HECW2: variants seen among roughly 807,000 people sequenced by gnomAD.
The protein encoded by HECW2 is E3 ubiquitin-protein ligase HECW2.
Under a neutral mutation model 175.2 loss-of-function variants are expected in HECW2, and 61 were observed. That is an observed-to-expected ratio of 0.35 (90% CI 0.28 to 0.43). HECW2 has a LOEUF of 0.43. HECW2 is among the 20% of genes least tolerant of loss of function. HECW2 has a pLI of 1.00. For missense variants in HECW2, 1,524 were observed against 2,000.5 expected, an observed-to-expected ratio of 0.76 and a Z score of 4.54; for synonymous variants, 671 against 731.0, an observed-to-expected ratio of 0.92 and a Z score of 1.32.
At chr2:196,528,646 C>G (rs1371584059) in intron 1 of HECW2, among the ~76,000 whole-genome samples, 2 of 152,214 alleles carry the variant, frequency 1.3e-5, no homozygotes, top group Non-Finnish European at 2.9e-5. Context: ...TGTACACATC[C>G]AAGGCACTGT....
At chr2:196,460,891 C>T (rs1696718325) in intron 1 of HECW2, among the ~76,000 whole-genome samples, 2 of 146,888 alleles carry the variant, frequency 1.4e-5, no homozygotes, top group Admixed American at 1.4e-4. Flanking sequence ...TCCCAAAGTA[C>T]TAGGATTACA....
At chr2:196,344,688 A>G (rs1166784311) in intron 2 of HECW2, among the ~76,000 whole-genome samples, 3 of 152,238 alleles carry the variant, frequency 2.0e-5, no homozygotes, top group Non-Finnish European at 4.4e-5. Flanking sequence ...TTATAGGCAC[A>G]TTAAAAAGTA....
intron 6 of HECW2, among the ~76,000 whole-genome samples, chr2:196,323,843 A>G (rs1692038323): frequency 6.9e-6 from 1 of 145,886 alleles, no homozygotes. Flanking sequence ...ATTGAGATAT[A>G]TTTTTATTTC....
rs757714649 is a variant in HECW2 at position 196,319,435 on chromosome 2, C to T, written c.1455G>A (p.Glu485=). 1 of 1,613,826 alleles carries T rather than the reference C, an allele frequency of 6.2e-7. No homozygotes were observed. Among genetic ancestry groups the T allele is most frequent in the South Asian group, 1.1e-5 (1 of 90,992 alleles). The change falls in exon 9 of 29, where the codon GAG becomes GAA. Residue 485 remains glutamate (E), a synonymous_variant. Coordinates refer to ENST00000644978, the MANE Select transcript of HECW2 (RefSeq NM_001348768.2). ...CCCTGCTAAACATGATCAGGCCTCCCTCCTCCTCCAAGGAAGATGGGTAAC... is the reference window on the plus strand; with the variant it reads ...CCCTGCTAAACATGATCAGGCCTCCTTCCTCCTCCAAGGAAGATGGGTAAC... The part of the protein sequence containing the change: ...DLGYPSSLEE[E]GGLIMFSRAS...
At chr2:196,447,288 T>A (rs982481185) in intron 1 of HECW2, among the ~76,000 whole-genome samples, 1 of 152,114 alleles carries the variant, frequency 6.6e-6, no homozygotes, top group Non-Finnish European at 1.5e-5. Context: ...GGGCTGACAA[T>A]GAAAGCAAAA....
At chr2:196,507,165 T>A (rs1404596406) in intron 1 of HECW2, among the ~76,000 whole-genome samples, 1 of 141,024 alleles carries the variant, frequency 7.1e-6, no homozygotes, top group Admixed American at 7.0e-5. Flanking sequence ...ATACACACAC[T>A]ATGTGTATAT....
At chr2:196,215,109 T>G (rs764844552) in intron 28 of HECW2, among the ~76,000 whole-genome samples, 2 of 152,184 alleles carry the variant, frequency 1.3e-5, no homozygotes, top group Non-Finnish European at 2.9e-5. Context: ...CTAAAACAAA[T>G]TTTCTTCCAT....
intron 2 of HECW2, among the ~76,000 whole-genome samples, chr2:196,374,523 T>C (rs997867200): frequency 6.6e-6 from 1 of 152,110 alleles, no homozygotes; most frequent in African/African-American, 2.4e-5. Context: ...GAAACAGTAA[T>C]ACAGGAAAAA....
At chr2:196,362,337 A>G (rs1693616588) in intron 2 of HECW2, 1 of 147,324 alleles carries the variant, frequency 6.8e-6, no homozygotes, top group Non-Finnish European at 1.5e-5. Context: ...ACACACACAC[A>G]CACACACACA....
chr2:196,492,943 CTT>C (rs1687254478), intron 1 of HECW2, among the ~76,000 whole-genome samples: 1 of 152,144 alleles, frequency 6.6e-6, no homozygotes. Flanking sequence ...TAATAAACGT[CTT>C]GAGTCTTAAA....
intron 2 of HECW2, among the ~76,000 whole-genome samples, chr2:196,403,374 G>A (rs960520529): frequency 2.6e-5 from 4 of 152,126 alleles, no homozygotes; most frequent in African/African-American, 9.7e-5. Context: ...TCCACATAGG[G>A]TATCCATAGA....
chr2:196,258,132 G>C, intron 17 of HECW2: 1 of 511,252 alleles, frequency 2.0e-6, no homozygotes, highest in Admixed American at 3.6e-5. Flanking sequence ...GTTGTGGGGA[G>C]AAAGATTCTT....
intron 21 of HECW2, among the ~76,000 whole-genome samples, chr2:196,235,737 G>A (rs942259928): frequency 1.5e-5 from 2 of 135,916 alleles, no homozygotes; most frequent in Non-Finnish European, 3.1e-5. Context: ...CTCACTGCAA[G>A]CTCCGCCTCC....
At chr2:196,531,929 T>TA (rs976761820) in intron 1 of HECW2, among the ~76,000 whole-genome samples, 3 of 152,200 alleles carry the variant, frequency 2.0e-5, no homozygotes, top group Non-Finnish European at 4.4e-5. Context: ...TCACTGCTCT[T>TA]AGTTTTCTAA....
intron 21 of HECW2, among the ~76,000 whole-genome samples, chr2:196,232,179 G>T (rs538561541): frequency 6.6e-6 from 1 of 152,272 alleles, no homozygotes; most frequent in African/African-American, 2.4e-5. Context: ...AAATACTTCA[G>T]GAGTCAGTTT....
intron 2 of HECW2, chr2:196,362,353 AC>A (rs1235385402): frequency 3.1e-5 from 5 of 161,738 alleles, no homozygotes; most frequent in Non-Finnish European, 6.5e-5. Flanking sequence ...ACACACACAC[AC>A]ACACACACAC....
intron 1 of HECW2, among the ~76,000 whole-genome samples, chr2:196,456,447 T>A (rs1374139280): frequency 6.6e-6 from 1 of 152,230 alleles, no homozygotes. Context: ...TTGCCCTTGC[T>A]ACACAATCTT....
chr2:196,396,790 A>G (rs1447636967), intron 2 of HECW2, among the ~76,000 whole-genome samples: 4 of 149,508 alleles, frequency 2.7e-5, no homozygotes, highest in Non-Finnish European at 4.4e-5. Flanking sequence ...CAAAAATATT[A>G]CAGACCTAGG....
At chr2:196,317,998 T>A (rs1691766494) in intron 9 of HECW2, among the ~76,000 whole-genome samples, 1 of 152,238 alleles carries the variant, frequency 6.6e-6, no homozygotes. Flanking sequence ...ACAAAAACAC[T>A]ACCTTTGATG....
Sources: gnomAD v4.1 joint callset for allele counts (sites outside exome capture counted in the v4.1 genomes callset) on GRCh38, gnomAD v4.1.1 for gene constraint, MANE v1.5 for transcripts, NCBI Gene and HGNC (gene_info 2026-07-23, HGNC 2026-07-21) for gene names.